The following KMT2E variants were observed in gnomAD, a reference collection of about 807,000 sequenced individuals.
KMT2E encodes the protein histone reader KMT2E.
KMT2E carries 30 observed loss-of-function variants against 184.6 expected under a neutral mutation model. That is an observed-to-expected ratio of 0.16 (90% CI 0.12 to 0.22). KMT2E has a LOEUF of 0.22. Ranked by LOEUF, KMT2E falls within the 10% of genes least tolerant of loss-of-function variation. The pLI is 1.00. For synonymous variants in KMT2E, 815 were observed against 776.5 expected (o/e 1.05, Z -0.82); for missense variants, 2,023 against 2,237.4 (o/e 0.90, Z 1.93).
intron 9 of KMT2E, among the ~76,000 whole-genome samples, chr7:105,076,522 G>A (rs1584764804): frequency 6.6e-6 from 1 of 152,198 alleles, no homozygotes; most frequent in Admixed American, 6.5e-5. Context: ...AAACCAGTCA[G>A]AATGATCGAT....
rs777282199 is a variant in KMT2E at position 105,112,468 on chromosome 7, A to G, written c.4712A>G (p.Gln1571Arg). Residue 1571 changes from glutamine (Q) to arginine (R), a missense_variant, in exon 27 of 27, where the codon CAG becomes CGG. Transcript: ENST00000311117. ...TCTGCAAACTTTCAGAATTATAATCAGCTCAAAGGTAGTCTTTCTCAACAA... is the reference window on the plus strand; with the variant it reads ...TCTGCAAACTTTCAGAATTATAATCGGCTCAAAGGTAGTCTTTCTCAACAA... ...QPSANFQNYN[Q>R]LKGSLSQQTV... is the part of the protein sequence containing the mutation. 6.2e-7 allele frequency: 1 copy of G among 1,613,932 alleles called. No individual in the cohort carries two copies. The highest frequency in any genetic ancestry group is 1.1e-5 in the South Asian group (1 of 91,076).
In KMT2E at chr7:105,109,138, C is replaced by T. The variant is rs1584808261; in HGVS notation, c.3665C>T (p.Thr1222Ile). ...AGCCTACCTTTACCAACACCAGCTA[C>T]AGTTTATAATGCCACTTCTGAAGAA... Reference protein sequence around the residue: ...TASLPLPTPATVYNATSEETS... With the variant: ...TASLPLPTPAIVYNATSEETS... The change falls in exon 23 of 27, where the codon ACA (threonine) becomes ATA (isoleucine). Residue 1222 changes from threonine (T) to isoleucine (I), a missense_variant. Coordinates refer to ENST00000311117, the MANE Select transcript of KMT2E (RefSeq NM_182931.3). 1 of 1,614,164 alleles carries T rather than the reference C, an allele frequency of 6.2e-7. No individual in the cohort carries two copies. The highest frequency in any genetic ancestry group is 1.1e-5 in the South Asian group (1 of 91,082).
rs1562937054 is a variant in KMT2E at position 105,112,223 on chromosome 7, A to T, written c.4467A>T (p.Gly1489=). Residue 1489 remains glycine (G), a synonymous_variant, in exon 27 of 27, where the codon GGA becomes GGT. Coordinates refer to ENST00000311117, the MANE Select transcript of KMT2E (RefSeq NM_182931.3). ...RPHHSQSPQV[G]TPQREPQRNF... is the part of the protein sequence containing the mutation. ...ATCATTCACAGTCACCTCAAGTTGG[A>T]ACACCTCAGCGAGAGCCTCAAAGAA... is the stretch of plus-strand genomic sequence containing the variant. 1 of 1,614,166 alleles carries T rather than the reference A, an allele frequency of 6.2e-7. No individual in the cohort carries two copies. The highest frequency in any genetic ancestry group is 8.5e-7 in the Non-Finnish European group (1 of 1,180,026).
rs908784676 is a variant in KMT2E, at chr7:105,110,318, G to A, written c.3794G>A (p.Ser1265Asn). The change falls in exon 24 of 27, where the codon AGT becomes AAT. Residue 1265 changes from serine (S) to asparagine (N), a missense_variant. Coordinates refer to ENST00000311117, the MANE Select transcript of KMT2E (RefSeq NM_182931.3). ...STSVEQVRER[S>N]YQRALLLSDH... is the part of the protein sequence containing the mutation. ...TCAGTGGAACAAGTCAGAGAAAGGA[G>A]TTATCAGAGAGCTTTACTTCTCAGT... 1.2e-6 allele frequency: 2 copies of A among 1,614,152 alleles called. No homozygotes were observed. Among genetic ancestry groups the A allele is most frequent in the Non-Finnish European group, 1.7e-6 (2 of 1,179,994 alleles).
chr7:105,044,342 A>G (rs915534023), intron 3 of KMT2E, among the ~76,000 whole-genome samples: 1 of 152,226 alleles, frequency 6.6e-6, no homozygotes, highest in Admixed American at 6.5e-5. Context: ...AGTAGGGACA[A>G]TGCAGTTTGA....
In KMT2E at chr7:105,090,231, A is replaced by C. The variant is rs1188720273; in HGVS notation, c.1581A>C (p.Gln527His). The stretch of plus-strand genomic sequence containing the variant: ...AAATGAAGAGCCCAGAAACTAAACA[A>C]AGAAAGCTTTCTCCACTGAGACTAT... ...TNKMKSPETKQRKLSPLRLSV... is the reference protein window; with the variant it reads ...TNKMKSPETKHRKLSPLRLSV... The change falls in exon 14 of 27, where the codon CAA (glutamine) becomes CAC (histidine). Residue 527 changes from glutamine to histidine, a missense_variant. This residue lies in a region of KMT2E where 514 missense variants were observed against 621.8 expected (regional missense o/e 0.83). Coordinates refer to ENST00000311117, the MANE Select transcript of KMT2E (RefSeq NM_182931.3). 7.5e-6 allele frequency: 12 copies of C among 1,604,082 alleles called. No individual in the cohort carries two copies. The highest frequency in any genetic ancestry group is 1.0e-5 in the Non-Finnish European group (12 of 1,177,798).
intron 15 of KMT2E, among the ~76,000 whole-genome samples, chr7:105,099,208 T>G (rs528987507): frequency 6.6e-6 from 1 of 152,360 alleles, no homozygotes; most frequent in Non-Finnish European, 1.5e-5. Flanking sequence ...AAATGTTTAG[T>G]GCTTAAGCTT....
At chr7:105,048,959 G>T (rs773078193) in intron 3 of KMT2E, among the ~76,000 whole-genome samples, 1 of 152,132 alleles carries the variant, frequency 6.6e-6, no homozygotes, top group Non-Finnish European at 1.5e-5. Context: ...TATTTCAATG[G>T]TATGACTTTC....
chr7:105,055,723 T>C (rs1353185383), intron 3 of KMT2E, among the ~76,000 whole-genome samples: 1 of 152,198 alleles, frequency 6.6e-6, no homozygotes. Flanking sequence ...GCATGTGTGC[T>C]TTCTGTCTGG....
intron 1 of KMT2E, among the ~76,000 whole-genome samples, chr7:105,035,173 C>G (rs1471879849): frequency 6.6e-6 from 1 of 151,582 alleles, no homozygotes; most frequent in African/African-American, 2.4e-5. Flanking sequence ...TACAGGCGCC[C>G]ACCACCAAGC....
At chr7:105,076,938 A>G in intron 9 of KMT2E, 25 bp from the exon 10 acceptor site, 1 of 1,480,664 alleles carries the variant, frequency 6.8e-7, no homozygotes. Flanking sequence ...AAGTCCAGAT[A>G]CTAAAGCTCA....
intron 3 of KMT2E, among the ~76,000 whole-genome samples, chr7:105,047,254 A>G (rs566581329): frequency 3.5e-4 from 54 of 152,400 alleles, no homozygotes; most frequent in Non-Finnish European, 5.6e-4. Flanking sequence ...GAAAATAAGT[A>G]TACAACATAA....
At chr7:105,085,064 G>A (rs1584776106) in intron 13 of KMT2E, among the ~76,000 whole-genome samples, 1 of 150,918 alleles carries the variant, frequency 6.6e-6, no homozygotes, top group African/African-American at 2.4e-5. Context: ...ATATTTCTAG[G>A]CTATATAGTT....
intron 3 of KMT2E, among the ~76,000 whole-genome samples, chr7:105,045,495 A>G (rs1385474421): frequency 1.3e-5 from 2 of 152,136 alleles, no homozygotes; most frequent in African/African-American, 4.8e-5. Flanking sequence ...TGTAGTTTCT[A>G]TCTTTATTTG....
chr7:105,059,975 G>GTGGTTTTT, intron 3 of KMT2E, among the ~76,000 whole-genome samples: 1 of 45,618 alleles, frequency 2.2e-5, no homozygotes. Flanking sequence ...TTTTCTTGTT[G>GTGGTTTTT]TTGTTTTTTT....
chr7:105,036,371 G>T (rs1311323084), intron 1 of KMT2E, among the ~76,000 whole-genome samples: 1 of 151,960 alleles, frequency 6.6e-6, no homozygotes, highest in African/African-American at 2.4e-5. Context: ...GTTACACCAT[G>T]TTGGCCAGGC....
intron 3 of KMT2E, among the ~76,000 whole-genome samples, chr7:105,046,223 C>A (rs2129565748): frequency 6.6e-6 from 1 of 152,286 alleles, no homozygotes. Context: ...TTCATATATT[C>A]TATTTTTCAC....
At chr7:105,066,440 G>A (rs553209812) in intron 5 of KMT2E, among the ~76,000 whole-genome samples, 43 of 152,068 alleles carry the variant, frequency 2.8e-4, no homozygotes, top group Middle Eastern at 3.4e-3. Flanking sequence ...TAGTGTGGCC[G>A]TCTCTACATT....
rs78285676 is a variant in KMT2E at position 105,056,862 on chromosome 7, A to G, written c.72-5302A>G. Among the ~76,000 whole-genome samples, 457 of 152,316 alleles carry G rather than the reference A, an allele frequency of 3.0e-3. 15 individuals carry two copies. The East Asian group carries it at 0.062, about 21-fold the overall frequency. ...TTCATATTGCTGGGAAGAAGGTAAAACAAATATCCTTATTCCCACTTTACA... is the reference window on the plus strand; with the variant it reads ...TTCATATTGCTGGGAAGAAGGTAAAGCAAATATCCTTATTCCCACTTTACA... On this transcript the variant is annotated intron_variant, in intron 3 of 26. Transcript: ENST00000311117.
Sources: gnomAD v4.1 joint callset for allele counts (sites outside exome capture counted in the v4.1 genomes callset) on GRCh38, gnomAD v4.1.1 for gene constraint, gnomAD v4.1.1 regional missense constraint, MANE v1.5 for transcripts, NCBI Gene and HGNC (gene_info 2026-07-23, HGNC 2026-07-21) for gene names.